The following BABAM2 variants were observed in gnomAD, a reference collection of about 807,000 sequenced individuals.
The protein encoded by BABAM2 is BRISC and BRCA1-A complex member 2.
BABAM2 carries 31 observed loss-of-function variants against 54.7 expected under a neutral mutation model. That is an observed-to-expected ratio of 0.57 (90% CI 0.43 to 0.77). The LOEUF is 0.77. BABAM2 is among the 30% of genes least tolerant of loss of function. BABAM2 has a pLI of 0.00. For missense variants in BABAM2, 364 were observed against 455.8 expected (o/e 0.80, Z 1.83); for synonymous variants, 167 against 162.9 (o/e 1.03, Z -0.19).
At chr2:28,271,945 C>T (rs1194571240) in intron 10 of BABAM2, among the ~76,000 whole-genome samples, 1 of 152,188 alleles carries the variant, frequency 6.6e-6, no homozygotes, top group Non-Finnish European at 1.5e-5. Context: ...TGGTTCCTAC[C>T]TTCAAGAGCA....
chr2:28,008,952 T>C (rs1674181724), intron 4 of BABAM2, among the ~76,000 whole-genome samples: 1 of 152,160 alleles, frequency 6.6e-6, no homozygotes, highest in East Asian at 1.9e-4. Context: ...ACCAGAGGTC[T>C]GGAGACACAA....
At chr2:28,047,998 T>C (rs954933840) in intron 6 of BABAM2, among the ~76,000 whole-genome samples, 7 of 152,234 alleles carry the variant, frequency 4.6e-5, no homozygotes, top group Non-Finnish European at 8.8e-5. Context: ...CTGCTTTACA[T>C]ATTATTTGCA....
At chr2:27,936,920 T>C (rs111525511) in intron 3 of BABAM2, among the ~76,000 whole-genome samples, 11,174 of 152,026 alleles carry the variant, frequency 0.074, 675 homozygotes, top group African/African-American at 0.16. Flanking sequence ...GCACATTGTG[T>C]ACATGTACCC....
intron 7 of BABAM2, among the ~76,000 whole-genome samples, chr2:28,161,061 G>T (rs1400317965): frequency 6.6e-6 from 1 of 152,188 alleles, no homozygotes; most frequent in Non-Finnish European, 1.5e-5. Context: ...TGCAGAGCCA[G>T]CTTTCCAACA....
chr2:28,212,527 A>G (rs1168949696), intron 7 of BABAM2, among the ~76,000 whole-genome samples: 2 of 152,180 alleles, frequency 1.3e-5, no homozygotes, highest in Non-Finnish European at 2.9e-5. Flanking sequence ...TTTTTTTCCT[A>G]CATTTATCAG....
chr2:27,935,224 A>G (rs1055689947), intron 3 of BABAM2, among the ~76,000 whole-genome samples: 10 of 152,242 alleles, frequency 6.6e-5, no homozygotes, highest in African/African-American at 2.4e-4. Flanking sequence ...TGCTAAATCT[A>G]ACTCCGCCTG....
intron 3 of BABAM2, among the ~76,000 whole-genome samples, chr2:27,940,122 A>T (rs1668766870): frequency 6.6e-6 from 1 of 152,214 alleles, no homozygotes; most frequent in African/African-American, 2.4e-5. Flanking sequence ...TATTACTTAA[A>T]TGATATTGGA....
intron 2 of BABAM2, among the ~76,000 whole-genome samples, chr2:27,917,667 G>T (rs1390623151): frequency 1.3e-5 from 2 of 152,034 alleles, no homozygotes; most frequent in Non-Finnish European, 2.9e-5. Context: ...ATTCCAATAA[G>T]AATTTTGAGG....
intron 10 of BABAM2, among the ~76,000 whole-genome samples, chr2:28,250,576 AT>A (rs1436001356): frequency 3.5e-3 from 128 of 36,750 alleles, no homozygotes; most frequent in African/African-American, 9.2e-3. Context: ...AATCATATAT[AT>A]TTTTTTCTTT....
intron 4 of BABAM2, among the ~76,000 whole-genome samples, chr2:28,007,543 A>T (rs988681863): frequency 6.6e-6 from 1 of 152,112 alleles, no homozygotes; most frequent in Non-Finnish European, 1.5e-5. Context: ...TTAGCTACAT[A>T]GAGGCAGATG....
chr2:28,280,451 G>T (rs916379986), intron 10 of BABAM2, among the ~76,000 whole-genome samples: 9 of 151,984 alleles, frequency 5.9e-5, no homozygotes, highest in African/African-American at 2.2e-4. Flanking sequence ...GAGTCCCATG[G>T]TCAAGAATAC....
chr2:28,038,652 C>A (rs888990361), intron 5 of BABAM2, among the ~76,000 whole-genome samples: 1 of 152,116 alleles, frequency 6.6e-6, no homozygotes, highest in African/African-American at 2.4e-5. Context: ...TCTGTTTCTG[C>A]ATTAATTTCC....
rs775005249 is a variant in BABAM2, at chr2:28,338,561, C to T, written c.*48C>T. On this transcript the variant is annotated 3_prime_UTR_variant, in exon 12 of 12. Transcript: ENST00000379624. ...GCCAGCCAGACTGCCTGTCCACATG[C>T]GTGTCAGCACATACAGCCGCTTCCT... 1.0e-5 allele frequency: 16 copies of T among 1,597,394 alleles called. No homozygotes were observed. The South Asian group carries it at 1.4e-4, about 14-fold the overall frequency.
intron 7 of BABAM2, among the ~76,000 whole-genome samples, chr2:28,196,676 C>CCA: frequency 1.3e-5 from 2 of 151,988 alleles, no homozygotes. Context: ...GACCCTATCT[C>CCA]CACACACAAA....
intron 11 of BABAM2, 34 bp downstream of exon 11, chr2:28,298,525 G>C: frequency 6.2e-7 from 1 of 1,613,414 alleles, no homozygotes; most frequent in Non-Finnish European, 8.5e-7. Flanking sequence ...CAACAGGTAA[G>C]AGCATTTTGT....
intron 4 of BABAM2, among the ~76,000 whole-genome samples, chr2:28,020,081 A>G (rs1675142793): frequency 6.6e-6 from 1 of 152,228 alleles, no homozygotes; most frequent in African/African-American, 2.4e-5. Flanking sequence ...AATGTTCTGC[A>G]AGGCTCAGAA....
intron 6 of BABAM2, among the ~76,000 whole-genome samples, chr2:28,074,615 TA>T (rs1426320065): frequency 6.6e-6 from 1 of 152,200 alleles, no homozygotes; most frequent in African/African-American, 2.4e-5. Context: ...CATGCCGTAT[TA>T]TACTGTTGAT....
intron 7 of BABAM2, among the ~76,000 whole-genome samples, chr2:28,139,554 T>C (rs1219285928): frequency 6.6e-6 from 1 of 151,836 alleles, no homozygotes; most frequent in African/African-American, 2.4e-5. Flanking sequence ...GGTGACAGAG[T>C]GAGACTCCAT....
At chr2:28,233,751 C>A (rs1224946462) in intron 7 of BABAM2, among the ~76,000 whole-genome samples, 1 of 152,228 alleles carries the variant, frequency 6.6e-6, no homozygotes, top group Non-Finnish European at 1.5e-5. Context: ...TCACCCCAGA[C>A]AGCCAACCAA....
Sources: allele counts gnomAD v4.1 joint callset (sites outside exome capture counted in the v4.1 genomes callset), GRCh38; gene constraint gnomAD v4.1.1; transcripts MANE v1.5; gene names NCBI Gene and HGNC (gene_info 2026-07-23, HGNC 2026-07-21).